HAS3: variants seen among roughly 807,000 people sequenced by gnomAD.
HAS3 encodes the protein hyaluronan synthase 3, also known as HA synthase 3.
In HAS3, 27 loss-of-function variants were observed where a neutral mutation model predicts 50.3. The ratio of observed to expected loss-of-function variants is 0.54; its 90% CI spans 0.40 to 0.74. HAS3 has a LOEUF of 0.74. HAS3 is among the 30% of genes least tolerant of loss of function. HAS3 has a pLI of 0.00. For synonymous variants in HAS3, 339 were observed against 310.9 expected (o/e 1.09, Z -0.95); for missense variants, 517 against 742.8 (o/e 0.70, Z 3.53).
At chr16:69,086,077 A>C in the HAS3 span, among the ~76,000 whole-genome samples, 3 of 151,734 alleles carry the variant, frequency 2.0e-5, no homozygotes, top group Non-Finnish European at 2.9e-5. Context: ...TATGTTGCCC[A>C]GGCTTGTCTC....
the HAS3 span, among the ~76,000 whole-genome samples, chr16:69,091,581 T>G: frequency 6.6e-6 from 1 of 152,088 alleles, no homozygotes; most frequent in Non-Finnish European, 1.5e-5. Context: ...AAAGCAGTGT[T>G]GATACCATTC....
the HAS3 span, among the ~76,000 whole-genome samples, chr16:69,093,862 C>A: frequency 6.6e-6 from 1 of 152,120 alleles, no homozygotes; most frequent in Non-Finnish European, 1.5e-5. Context: ...TTATTCCTTG[C>A]AAGAAGCTCA....
upstream of HAS3, among the ~76,000 whole-genome samples, chr16:69,101,767 TGTACA>T (rs1960699082): frequency 1.3e-5 from 2 of 151,894 alleles, no homozygotes; most frequent in South Asian, 4.1e-4. Flanking sequence ...TAAACTGCCT[TGTACA>T]GTTTATACTT....
At chr16:69,098,878 T>C in the HAS3 span, among the ~76,000 whole-genome samples, 229 of 152,094 alleles carry the variant, frequency 1.5e-3, 3 homozygotes, top group African/African-American at 5.1e-3. Context: ...TTGGTCAGGC[T>C]GGTCTCGAAC....
chr16:69,098,453 G>T, the HAS3 span, among the ~76,000 whole-genome samples: 1 of 151,754 alleles, frequency 6.6e-6, no homozygotes, highest in African/African-American at 2.4e-5. Flanking sequence ...GTGTTGTCCA[G>T]GCTGGTCTCA....
At chr16:69,104,290 C>CTT (rs547219297), upstream of HAS3, among the ~76,000 whole-genome samples, 3 of 134,120 alleles carry the variant, frequency 2.2e-5, no homozygotes, top group South Asian at 4.9e-4. Flanking sequence ...TTTTCTTTTT[C>CTT]TTTTTTTTTT....
At chr16:69,083,773 C>A in the HAS3 span, 2 of 1,276,564 alleles carry the variant, frequency 1.6e-6, no homozygotes, top group Non-Finnish European at 2.1e-6. Flanking sequence ...CATGGCTGAC[C>A]CTCGGGGTGG....
chr16:69,113,476 C>T lies in HAS3; in HGVS notation c.672C>T (p.Cys224=). 6.2e-7 allele frequency: 1 copy of T among 1,613,686 alleles called. No individual in the cohort carries two copies. Among genetic ancestry groups the T allele is most frequent in the Non-Finnish European group, 8.5e-7 (1 of 1,179,734 alleles). Residue 224 remains cysteine (C), a synonymous_variant, in exon 3 of 4, where the codon TGC becomes TGT. Coordinates refer to ENST00000569188, the MANE Select transcript of HAS3 (RefSeq NM_001199280.2). ...CDSDTVLDPA[C]TIEMLRVLEE... is the part of the protein sequence containing the mutation. Reference sequence around the variant, plus strand: ...CTGACACTGTGCTGGATCCAGCCTGCACCATCGAGATGCTTCGAGTCCTGG... The same window carrying T: ...CTGACACTGTGCTGGATCCAGCCTGTACCATCGAGATGCTTCGAGTCCTGG...
At chr16:69,118,193 G>A, downstream of HAS3, 1 of 454,392 alleles carries the variant, frequency 2.2e-6, no homozygotes, top group South Asian at 2.0e-5. Flanking sequence ...TGATTGATTG[G>A]GAGTACCAGT....
Position 69,106,322 on chromosome 16 carries a change from C to CGCGG in HAS3, c.-1+538_-1+541dup, listed in dbSNP as rs1424158353. On this transcript the variant is annotated intron_variant, in intron 1 of 3. Coordinates refer to ENST00000569188, the MANE Select transcript of HAS3 (RefSeq NM_001199280.2). This position sits in a 1 kb window ranked among gnomAD's most constrained non-coding sequence, Gnocchi z 5.5. Reference sequence around the variant, plus strand: ...GCGCGGCAGCCGGCGGCACGGTGAGCGCGGGCCGGCCGGCACCCAGGAGGG... The same window carrying CGCGG: ...GCGCGGCAGCCGGCGGCACGGTGAGCGCGGGCGGGCCGGCCGGCACCCAGGAGGG... 1 of 147,848 alleles carries CGCGG rather than the reference C, an allele frequency of 6.8e-6. No homozygotes were observed. Among genetic ancestry groups the CGCGG allele is most frequent in the South Asian group, 2.1e-4 (1 of 4,796 alleles). 9.2% of individuals were successfully genotyped at this position (147,848 alleles called of 1,614,324 possible).
the HAS3 span, among the ~76,000 whole-genome samples, chr16:69,093,899 TC>T: frequency 6.6e-6 from 1 of 152,152 alleles, no homozygotes; most frequent in East Asian, 1.9e-4. Context: ...ATAGCTCTAT[TC>T]CCATACCATT....
Position 69,116,821 on chromosome 16 carries a change from CT to C in HAS3, c.*1557del, listed in dbSNP as rs1301641588. On this transcript the variant is annotated 3_prime_UTR_variant, in exon 4 of 4. Transcript: ENST00000569188. ...AAGCCTTTGACTTAAGGGTTGCTTG[CT>C]TGCCCTCCAAATGTCCTTTCTCAGA... The C allele has an allele frequency of 3.1e-5, 31 of 985,290 alleles. No individual in the cohort carries two copies. Among genetic ancestry groups the C allele is most frequent in the Non-Finnish European group, 3.5e-5 (29 of 829,946 alleles). 61.0% of individuals were successfully genotyped at this position (985,290 alleles called of 1,614,324 possible).
At chr16:69,096,023 T>C in the HAS3 span, among the ~76,000 whole-genome samples, 3 of 150,146 alleles carry the variant, frequency 2.0e-5, no homozygotes, top group Middle Eastern at 7.3e-3. Context: ...GAGACCAGCC[T>C]GACCAACATG....
the HAS3 span, among the ~76,000 whole-genome samples, chr16:69,099,787 A>G: frequency 6.6e-6 from 1 of 151,912 alleles, no homozygotes; most frequent in South Asian, 2.1e-4. Context: ...ATATTCCACT[A>G]AAAAGATAAG....
At chr16:69,089,653 G>A in the HAS3 span, among the ~76,000 whole-genome samples, 5 of 152,186 alleles carry the variant, frequency 3.3e-5, no homozygotes, top group Non-Finnish European at 5.9e-5. Flanking sequence ...CTTTCCTGCA[G>A]GCAGAGCTCA....
Position 69,116,218 on chromosome 16 carries a change from G to A in HAS3, c.*952G>A, listed in dbSNP as rs1214848598. 1 of 985,414 alleles carries A rather than the reference G, an allele frequency of 1.0e-6. No individual in the cohort carries two copies. The highest frequency in any genetic ancestry group is 1.2e-6 in the Non-Finnish European group (1 of 829,966). 61.0% of individuals were successfully genotyped at this position (985,414 alleles called of 1,614,324 possible). A position where few individuals can be genotyped will look rare whatever the true frequency, so the allele number is the denominator to read the frequency against. On this transcript the variant is annotated 3_prime_UTR_variant, in exon 4 of 4. Coordinates refer to ENST00000569188, the MANE Select transcript of HAS3 (RefSeq NM_001199280.2). ...CACTTTCTTCAAAGCCACATTTTTT[G>A]AGGTATCACTGCAGTCACCTCTTCT...
intron 2 of HAS3, among the ~76,000 whole-genome samples, chr16:69,112,326 G>GT (rs1368034639): frequency 6.6e-6 from 1 of 152,192 alleles, no homozygotes; most frequent in Non-Finnish European, 1.5e-5. Context: ...GGACCAGGAT[G>GT]TAAGGATATG....
At chr16:69,101,292 A>T (rs1387724255), upstream of HAS3, among the ~76,000 whole-genome samples, 3 of 152,112 alleles carry the variant, frequency 2.0e-5, no homozygotes, top group Admixed American at 2.0e-4. Context: ...CCCTGCTGGA[A>T]GCTCCTTTAT....
rs71148963 is a variant in HAS3, at chr16:69,111,157, ATTTTTTTTTTTTTTT to A, written c.636+1144_636+1158del. ...TAGGACCCTGGATTTCTAGGCCAGGATTTTTTTTTTTTTTTTTTTTTTTTTTTTTTTTGAGACAGA... is the reference window on the plus strand; with the variant it reads ...TAGGACCCTGGATTTCTAGGCCAGGATTTTTTTTTTTTTTTTTGAGACAGA... On this transcript the variant is annotated intron_variant, in intron 2 of 3. Transcript: ENST00000569188. Among the ~76,000 whole-genome samples, 18 of 62,306 alleles carry A rather than the reference ATTTTTTTTTTTTTTT, an allele frequency of 2.9e-4. 1 individual carries two copies. Among genetic ancestry groups the A allele is most frequent in the South Asian group, 2.6e-3 (3 of 1,176 alleles). The allele number at this position is 62,306 out of a possible 152,430, so 40.9% of individuals were successfully genotyped here.
Sources: gnomAD v4.1 joint callset for allele counts (sites outside exome capture counted in the v4.1 genomes callset) on GRCh38, gnomAD v4.1.1 for gene constraint, Gnocchi (gnomAD v3.1) non-coding constraint, MANE v1.5 for transcripts, NCBI Gene and HGNC (gene_info 2026-07-23, HGNC 2026-07-21) for gene names.